FAM178B: variants seen among roughly 807,000 people sequenced by gnomAD.
FAM178B encodes family with sequence similarity 178 member B.
In FAM178B, 82 loss-of-function variants were observed where a neutral mutation model predicts 91.7. The ratio of observed to expected loss-of-function variants is 0.89; its 90% CI spans 0.75 to 1.07. FAM178B has a LOEUF of 1.07. FAM178B is among the 50% of genes least tolerant of loss of function. The pLI, the probability that FAM178B is intolerant of heterozygous loss-of-function variation, is 0.00. For missense variants in FAM178B, 769 were observed against 846.7 expected (o/e 0.91, Z 1.14); for synonymous variants, 368 against 359.4 (o/e 1.02, Z -0.27).
chr2:96,948,168 C>A (rs1299926915), intron 7 of FAM178B, among the ~76,000 whole-genome samples: 1 of 152,238 alleles, frequency 6.6e-6, no homozygotes, highest in East Asian at 1.9e-4. Flanking sequence ...CCACTTGAAA[C>A]CTCCTACTCC....
chr2:96,949,428 A>G (rs2081888172), intron 7 of FAM178B, among the ~76,000 whole-genome samples: 1 of 152,152 alleles, frequency 6.6e-6, no homozygotes, highest in Non-Finnish European at 1.5e-5. Context: ...CAGATTTGGG[A>G]AAAGGGTCTG....
intron 14 of FAM178B, among the ~76,000 whole-genome samples, chr2:96,889,631 T>C (rs1187511079): frequency 6.6e-6 from 1 of 151,336 alleles, no homozygotes; most frequent in African/African-American, 2.4e-5. Flanking sequence ...TGAACCAAGA[T>C]TGTGCCATTG....
At position 96,876,061 on chromosome 2, in the gene FAM178B, T is replaced by A. The variant is rs762032421; in HGVS notation, c.*215A>T. 1.7e-6 allele frequency: 1 copy of A among 579,572 alleles called. No individual in the cohort carries two copies. Among genetic ancestry groups the A allele is most frequent in the Non-Finnish European group, 3.1e-6 (1 of 326,760 alleles). The allele number at this position is 579,572 out of a possible 1,614,324, so 35.9% of individuals were successfully genotyped here. On this transcript the variant is annotated 3_prime_UTR_variant, in exon 17 of 17. Transcript: ENST00000490605. Reference sequence around the variant, plus strand: ...GGGGTGGGCGAGGCAGAGAGGCCCATCCCTTGCTGAGAGGAGAGGGGGTCG... The same window carrying A: ...GGGGTGGGCGAGGCAGAGAGGCCCAACCCTTGCTGAGAGGAGAGGGGGTCG...
chr2:96,975,974 GAAC>G (rs923003138), intron 1 of FAM178B, among the ~76,000 whole-genome samples: 20 of 152,032 alleles, frequency 1.3e-4, no homozygotes, highest in Admixed American at 3.9e-4. Flanking sequence ...TAGGGGAATT[GAAC>G]AACACTATAA....
intron 8 of FAM178B, among the ~76,000 whole-genome samples, chr2:96,929,816 C>G (rs2081509903): frequency 6.6e-6 from 1 of 152,258 alleles, no homozygotes; most frequent in Admixed American, 6.5e-5. Context: ...CTGCTGGGAG[C>G]ACACCTCGCC....
At chr2:96,978,127 C>T (rs1171410733) in intron 1 of FAM178B, among the ~76,000 whole-genome samples, 2 of 152,154 alleles carry the variant, frequency 1.3e-5, no homozygotes, top group African/African-American at 4.8e-5. Flanking sequence ...GCACGGAAGT[C>T]GTCTCATCTC....
intron 12 of FAM178B, among the ~76,000 whole-genome samples, chr2:96,917,547 G>A (rs1013729086): frequency 1.3e-5 from 2 of 152,212 alleles, no homozygotes; most frequent in African/African-American, 4.8e-5. Context: ...AATCTGTCTT[G>A]AAAGGATGAA....
intron 5 of FAM178B, among the ~76,000 whole-genome samples, chr2:96,966,197 G>C (rs947505592): frequency 1.3e-5 from 2 of 151,992 alleles, no homozygotes; most frequent in Admixed American, 6.6e-5. Flanking sequence ...CCCACAGCAG[G>C]GTCCCTGGAA....
At chr2:96,923,104 G>A (rs572486810) in intron 10 of FAM178B, among the ~76,000 whole-genome samples, 6 of 152,202 alleles carry the variant, frequency 3.9e-5, no homozygotes, top group South Asian at 2.1e-4. Flanking sequence ...GAGCAGATGG[G>A]ACTACAGGTG....
intron 8 of FAM178B, among the ~76,000 whole-genome samples, chr2:96,946,799 A>AG (rs2081836593): frequency 1.3e-5 from 2 of 152,346 alleles, no homozygotes; most frequent in South Asian, 4.1e-4. Context: ...CGGGGGCTAC[A>AG]GGGGCAGAGG....
chr2:96,945,628 G>A (rs2081815292), intron 8 of FAM178B, among the ~76,000 whole-genome samples: 1 of 152,198 alleles, frequency 6.6e-6, no homozygotes, highest in Non-Finnish European at 1.5e-5. Context: ...GTGCCCCAGA[G>A]GCCTGCTGTC....
intron 9 of FAM178B, among the ~76,000 whole-genome samples, chr2:96,924,555 G>A (rs934243642): frequency 3.9e-5 from 6 of 152,210 alleles, no homozygotes; most frequent in African/African-American, 1.4e-4. Context: ...GGGGGACCTC[G>A]GTGGGGCTTT....
chr2:96,903,496 C>A (rs948191544), intron 12 of FAM178B, among the ~76,000 whole-genome samples: 2 of 152,226 alleles, frequency 1.3e-5, no homozygotes, highest in African/African-American at 4.8e-5. Context: ...AAATCCATCT[C>A]CTGCCAGGCT....
intron 10 of FAM178B, among the ~76,000 whole-genome samples, chr2:96,922,326 C>G (rs951325114): frequency 2.0e-5 from 3 of 152,230 alleles, no homozygotes; most frequent in Non-Finnish European, 4.4e-5. Flanking sequence ...TGGGGCTGCT[C>G]TGCCTATGAA....
At chr2:96,913,010 A>C (rs750811297) in intron 12 of FAM178B, among the ~76,000 whole-genome samples, 9 of 152,176 alleles carry the variant, frequency 5.9e-5, no homozygotes, top group Non-Finnish European at 1.3e-4. Flanking sequence ...GTGGGTGGAG[A>C]CAGAACGGCT....
intron 9 of FAM178B, among the ~76,000 whole-genome samples, chr2:96,927,451 A>G (rs1471648239): frequency 6.6e-6 from 1 of 152,168 alleles, no homozygotes; most frequent in Non-Finnish European, 1.5e-5. Flanking sequence ...AAAGAGGTAG[A>G]TGTTAAAACG....
chr2:96,959,822 T>G (rs891981873), intron 6 of FAM178B, among the ~76,000 whole-genome samples: 2 of 152,260 alleles, frequency 1.3e-5, no homozygotes, highest in African/African-American at 4.8e-5. Context: ...ATAAGACAGC[T>G]GTTGTATTGT....
chr2:96,966,114 C>A (rs541516375), intron 5 of FAM178B, among the ~76,000 whole-genome samples: 1 of 152,172 alleles, frequency 6.6e-6, no homozygotes, highest in Non-Finnish European at 1.5e-5. Flanking sequence ...AGAGCCAGTG[C>A]CTGCCCCTGG....
intron 1 of FAM178B, among the ~76,000 whole-genome samples, chr2:96,981,740 C>CAAAA (rs377081384): frequency 5.9e-4 from 11 of 18,546 alleles, no homozygotes; most frequent in East Asian, 1.5e-3. Flanking sequence ...GACTCCGTCT[C>CAAAA]AAAAAAAAAA....
Sources: allele counts gnomAD v4.1 joint callset (sites outside exome capture counted in the v4.1 genomes callset), GRCh38; gene constraint gnomAD v4.1.1; transcripts MANE v1.5; gene names NCBI Gene and HGNC (gene_info 2026-07-23, HGNC 2026-07-21).